RBMS1: variants seen among roughly 807,000 people sequenced by gnomAD.
RBMS1 encodes the protein RNA-binding motif, single-stranded-interacting protein 1.
Under a neutral mutation model 62.3 loss-of-function variants are expected in RBMS1, and 17 were observed. The observed-to-expected ratio is 0.27, with a 90% confidence interval of 0.19 to 0.41. The LOEUF is 0.41. Among genes scored for constraint, RBMS1 ranks in the 10% least tolerant of loss-of-function variants. The pLI is 1.00. For synonymous variants in RBMS1, 172 were observed against 170.0 expected (o/e 1.01, Z -0.09); for missense variants, 334 against 504.5 (o/e 0.66, Z 3.24).
In RBMS1 at chr2:160,298,779, G is replaced by A. The variant is rs566708049; in HGVS notation, c.640+1872C>T. On this transcript the variant is annotated intron_variant, in intron 6 of 13. Coordinates refer to ENST00000348849, the MANE Select transcript of RBMS1 (RefSeq NM_016836.4). Reference sequence around the variant, plus strand: ...AGAATGTGATCTTACTTAGAGACAAGGTCATCAAAGTTAAAGTAAGATCAT... The same window carrying A: ...AGAATGTGATCTTACTTAGAGACAAAGTCATCAAAGTTAAAGTAAGATCAT... Among the ~76,000 whole-genome samples, 8 of 152,246 alleles carry A rather than the reference G, an allele frequency of 5.3e-5. No homozygotes were observed. In the South Asian group the frequency reaches 1.7e-3, roughly 32 times the overall value.
At chr2:160,368,955 T>C (rs1156236491) in intron 1 of RBMS1, among the ~76,000 whole-genome samples, 1 of 152,190 alleles carries the variant, frequency 6.6e-6, no homozygotes, top group Non-Finnish European at 1.5e-5. Context: ...AATTTAGATA[T>C]GTTACCATTT....
chr2:160,363,998 C>A (rs1039656949), intron 2 of RBMS1, among the ~76,000 whole-genome samples: 5 of 152,092 alleles, frequency 3.3e-5, no homozygotes. Context: ...GCTAAGATGT[C>A]AAGAAAATGG....
At chr2:160,473,427 T>C (rs1007539871) in intron 1 of RBMS1, among the ~76,000 whole-genome samples, 2 of 152,204 alleles carry the variant, frequency 1.3e-5, no homozygotes, top group African/African-American at 4.8e-5. Context: ...AATTTGTCAT[T>C]TAAAAGTATT....
At chr2:160,424,167 C>T (rs558647006) in intron 1 of RBMS1, among the ~76,000 whole-genome samples, 8 of 151,702 alleles carry the variant, frequency 5.3e-5, no homozygotes, top group Non-Finnish European at 8.8e-5. Flanking sequence ...TACAGGCGCC[C>T]GCCACCACAC....
intron 1 of RBMS1, among the ~76,000 whole-genome samples, chr2:160,451,891 T>C (rs1400231528): frequency 6.6e-6 from 1 of 152,226 alleles, no homozygotes; most frequent in Non-Finnish European, 1.5e-5. Context: ...ATTACAGGCA[T>C]GAGGCACCGC....
At chr2:160,488,944 T>C (rs968832759) in intron 1 of RBMS1, among the ~76,000 whole-genome samples, 19 of 152,200 alleles carry the variant, frequency 1.2e-4, no homozygotes, top group Non-Finnish European at 2.5e-4. Context: ...AATTCTTTTC[T>C]TGAATGTATA....
At chr2:160,486,838 A>G (rs889305468) in intron 1 of RBMS1, among the ~76,000 whole-genome samples, 3 of 152,152 alleles carry the variant, frequency 2.0e-5, no homozygotes, top group African/African-American at 7.2e-5. Flanking sequence ...CAAACCCCAA[A>G]CTTATTTCCT....
chr2:160,493,458 AGCGGCGGCG>A lies in RBMS1; in HGVS notation c.-104_-96del, dbSNP rs1200874502. The A allele has an allele frequency of 3.1e-5, 38 of 1,219,576 alleles. No homozygotes were observed. The highest frequency in any genetic ancestry group is 2.7e-4 in the East Asian group (11 of 40,464). 75.5% of individuals were successfully genotyped at this position (1,219,576 alleles called of 1,614,324 possible). ...CCTCTCCCTTTCCGGCGGCGGCGGC[AGCGGCGGCG>A]GCGGCGGCGGCTGCTGCTGCTGCCG... On this transcript the variant is annotated 5_prime_UTR_variant, in exon 1 of 14. Coordinates refer to ENST00000348849, the MANE Select transcript of RBMS1 (RefSeq NM_016836.4).
intron 1 of RBMS1, among the ~76,000 whole-genome samples, chr2:160,428,096 G>A (rs188324051): frequency 5.9e-5 from 9 of 151,768 alleles, no homozygotes; most frequent in Admixed American, 5.9e-4. Context: ...TACTTCTGGA[G>A]CCTACATATT....
intron 1 of RBMS1, among the ~76,000 whole-genome samples, chr2:160,489,018 G>A (rs141887289): frequency 3.2e-4 from 49 of 152,312 alleles, no homozygotes; most frequent in African/African-American, 1.1e-3. Flanking sequence ...GATGTAAGGT[G>A]TATGTAGTTA....
At chr2:160,409,546 A>G (rs557440163) in intron 1 of RBMS1, among the ~76,000 whole-genome samples, 1 of 152,274 alleles carries the variant, frequency 6.6e-6, no homozygotes, top group East Asian at 1.9e-4. Context: ...AAGCACAAGT[A>G]TAAAATAGAA....
intron 6 of RBMS1, among the ~76,000 whole-genome samples, chr2:160,298,274 A>C (rs1414230530): frequency 6.6e-6 from 1 of 152,114 alleles, no homozygotes; most frequent in African/African-American, 2.4e-5. Context: ...GAGAGCAGGA[A>C]AACAGGAGGA....
intron 1 of RBMS1, chr2:160,407,338 G>C (rs1237662004): frequency 6.1e-6 from 6 of 984,892 alleles, no homozygotes; most frequent in Non-Finnish European, 2.4e-6. Flanking sequence ...CCCCGCGGCC[G>C]CCTTCCTGGG....
At chr2:160,416,987 G>C (rs1472488627) in intron 1 of RBMS1, among the ~76,000 whole-genome samples, 1 of 152,170 alleles carries the variant, frequency 6.6e-6, no homozygotes, top group Non-Finnish European at 1.5e-5. Context: ...ATAAAAGTGA[G>C]AGCTAAGTCA....
intron 6 of RBMS1, among the ~76,000 whole-genome samples, chr2:160,297,235 TTC>T (rs1688984462): frequency 6.6e-6 from 1 of 152,200 alleles, no homozygotes; most frequent in African/African-American, 2.4e-5. Flanking sequence ...GTGGCTTTTT[TTC>T]TTTTTCCCCA....
rs928244792 is a variant in RBMS1 at position 160,312,566 on chromosome 2, T to C, written c.402+590A>G. ...AAGTTCATCAGAAATAAATTTTGAA[T>C]AAAGTCATTATAGAACTACTAAAAA... On this transcript the variant is annotated intron_variant, in intron 4 of 13. Coordinates refer to ENST00000348849, the MANE Select transcript of RBMS1 (RefSeq NM_016836.4). 2.0e-5 allele frequency among the ~76,000 whole-genome samples: 3 copies of C among 152,160 alleles called. No individual in the cohort carries two copies. In the South Asian group the frequency reaches 6.2e-4, roughly 31 times the overall value.
intron 1 of RBMS1, among the ~76,000 whole-genome samples, chr2:160,450,564 G>GAA (rs1181640365): frequency 0.025 from 1,401 of 56,412 alleles, 106 homozygotes; most frequent in Middle Eastern, 0.061. Context: ...AATAAAAAAT[G>GAA]AAAAAAAAAA....
At chr2:160,464,733 C>T (rs1470997943) in intron 1 of RBMS1, among the ~76,000 whole-genome samples, 5 of 152,068 alleles carry the variant, frequency 3.3e-5, no homozygotes, top group African/African-American at 4.8e-5. Context: ...ATTCAATTGC[C>T]CATTTACTTA....
intron 9 of RBMS1, chr2:160,281,630 C>T (rs1242217507): frequency 3.0e-6 from 1 of 328,832 alleles, no homozygotes; most frequent in Non-Finnish European, 5.6e-6. Context: ...AAAGGCGAAA[C>T]AGACTGGGCC....
Sources: allele counts gnomAD v4.1 joint callset (sites outside exome capture counted in the v4.1 genomes callset), GRCh38; gene constraint gnomAD v4.1.1; transcripts MANE v1.5; gene names NCBI Gene and HGNC (gene_info 2026-07-23, HGNC 2026-07-21).